VPS37D: variants seen among roughly 807,000 people sequenced by gnomAD.
VPS37D encodes the protein VPS37D subunit of ESCRT-I.
VPS37D carries 5 observed loss-of-function variants against 22.0 expected under a neutral mutation model. The observed-to-expected ratio is 0.23, with a 90% CI of 0.12 to 0.48. VPS37D has a LOEUF of 0.48. Among genes scored for constraint, VPS37D ranks in the 20% least tolerant of loss-of-function variants. VPS37D has a pLI of 0.99. For synonymous variants in VPS37D, 174 were observed against 159.3 expected, an observed-to-expected ratio of 1.09 and a Z score of -0.69; for missense variants, 384 against 345.8, an observed-to-expected ratio of 1.11 and a Z score of -0.88.
Position 73,671,093 on chromosome 7 carries a change from C to A in VPS37D, c.473C>A (p.Ala158Asp). The A allele has an allele frequency of 6.2e-7, 1 of 1,610,718 alleles. No homozygotes were observed. ...LPAFQRGRAL[A>D]HLRRTQAEKL... is the part of the protein sequence containing the mutation. The stretch of plus-strand genomic sequence containing the variant: ...GCCTTCCAGCGTGGCCGCGCCCTGG[C>A]CCACCTGAGGCGGACGCAGGCAGAG... The change falls in exon 4 of 4, where the codon GCC (alanine) becomes GAC (aspartate). Residue 158 changes from alanine (A) to aspartate (D), a missense_variant. By Grantham distance (126) the Ala-to-Asp change is moderately radical. Transcript: ENST00000324941.
In VPS37D at chr7:73,669,455, G is replaced by T; in HGVS notation, c.175G>T (p.Ala59Ser). The T allele has an allele frequency of 6.3e-7, 1 of 1,577,148 alleles. No individual in the cohort carries two copies. The highest frequency in any genetic ancestry group is 1.8e-5 in the Admixed American group (1 of 54,898). The change falls in exon 2 of 4, where the codon GCC (alanine) becomes TCC (serine). Residue 59 changes from alanine (A) to serine (S), a missense_variant. Coordinates refer to ENST00000324941, the MANE Select transcript of VPS37D (RefSeq NM_001077621.2). ...GCAGCTGGAGCGTGAGGCCTGCCTGGCCTCCAACTACGCGCTGGCCAAGGA... is the reference window on the plus strand; with the variant it reads ...GCAGCTGGAGCGTGAGGCCTGCCTGTCCTCCAACTACGCGCTGGCCAAGGA... Reference protein sequence around the residue: ...GLQLEREACLASNYALAKENL... With the variant: ...GLQLEREACLSSNYALAKENL...
rs1554608942 is a variant in VPS37D, at chr7:73,667,881, G to GCGGAGCGGAGCGGAGC, written c.-74_-59dup. The GCGGAGCGGAGCGGAGC allele has an allele frequency of 7.4e-6, 3 of 406,336 alleles. No individual in the cohort carries two copies. The South Asian group carries it at 2.9e-4, about 39-fold the overall frequency. The allele number at this position is 406,336 out of a possible 1,614,324, so 25.2% of individuals were successfully genotyped here. A position where few individuals can be genotyped will look rare whatever the true frequency, so the allele number is the denominator to read the frequency against. ...GAGCGGATCCTGGAGCCGGAGCGGA[G>GCGGAGCGGAGCGGAGC]CGGAGCGGAGCGGAGCCGGGGCGGA... On this transcript the variant is annotated 5_prime_UTR_variant, in exon 1 of 4. Coordinates refer to ENST00000324941, the MANE Select transcript of VPS37D (RefSeq NM_001077621.2).
chr7:73,671,335 C>G lies in VPS37D; in HGVS notation c.715C>G (p.Leu239Val), dbSNP rs1238661873. 9 of 1,382,870 alleles carry G rather than the reference C, an allele frequency of 6.5e-6. No homozygotes were observed. The African/African-American group carries it at 1.4e-4, about 21-fold the overall frequency. The allele number at this position is 1,382,870 out of a possible 1,614,324, so 85.7% of individuals were successfully genotyped here. A position where few individuals can be genotyped will look rare whatever the true frequency, so the allele number is the denominator to read the frequency against. Residue 239 changes from leucine to valine, a missense_variant, in exon 4 of 4, where the codon CTG becomes GTG. Transcript: ENST00000324941. Reference protein sequence around the residue: ...PGCPLGPAPLLSPRPSQPEPP... With the variant: ...PGCPLGPAPLVSPRPSQPEPP... Reference sequence around the variant, plus strand: ...GTGCCCCCTCGGCCCGGCCCCCCTGCTGAGCCCTCGGCCCTCGCAGCCAGA... The same window carrying G: ...GTGCCCCCTCGGCCCGGCCCCCCTGGTGAGCCCTCGGCCCTCGCAGCCAGA...
rs1554609292 is a variant in VPS37D at position 73,669,516 on chromosome 7, G to A, written c.236G>A (p.Arg79Gln). Residue 79 changes from arginine to glutamine, a missense_variant, in exon 2 of 4, where the codon CGG becomes CAG. By Grantham distance (43) the Arg-to-Gln change is conservative. Coordinates refer to ENST00000324941, the MANE Select transcript of VPS37D (RefSeq NM_001077621.2). ...LALRPRLEMG[R>Q]AALAIKYQEL... ...CTGCGGCCCCGCCTGGAGATGGGCCGGGCTGCCCTGGCCATCAAATACCAG... is the reference window on the plus strand; with the variant it reads ...CTGCGGCCCCGCCTGGAGATGGGCCAGGCTGCCCTGGCCATCAAATACCAG... 2 of 1,583,892 alleles carry A rather than the reference G, an allele frequency of 1.3e-6. No homozygotes were observed. Among genetic ancestry groups the A allele is most frequent in the Middle Eastern group, 1.7e-4 (1 of 5,982 alleles).
chr7:73,671,447 T>G lies in VPS37D; in HGVS notation c.*71T>G. ...TGCGTGGCTCCTCCTCCTCCCCCACTGCCTGGGTGGGGGGAGGGGCAGGCC... is the reference window on the plus strand; with the variant it reads ...TGCGTGGCTCCTCCTCCTCCCCCACGGCCTGGGTGGGGGGAGGGGCAGGCC... On this transcript the variant is annotated 3_prime_UTR_variant, in exon 4 of 4. Transcript: ENST00000324941. 19 of 711,486 alleles carry G rather than the reference T, an allele frequency of 2.7e-5. No individual in the cohort carries two copies. Among genetic ancestry groups the G allele is most frequent in the East Asian group, 1.3e-4 (3 of 23,650 alleles). The allele number at this position is 711,486 out of a possible 1,614,324, so 44.1% of individuals were successfully genotyped here.
At chr7:73,665,766 C>T (rs1219188009), upstream of VPS37D, among the ~76,000 whole-genome samples, 2 of 152,188 alleles carry the variant, frequency 1.3e-5, no homozygotes, top group African/African-American at 2.4e-5. Flanking sequence ...CTCTGAAACC[C>T]AGCTCAAATG....
At chr7:73,667,298 T>A (rs1336375996), upstream of VPS37D, among the ~76,000 whole-genome samples, 10 of 151,788 alleles carry the variant, frequency 6.6e-5, no homozygotes, top group African/African-American at 2.4e-4. Flanking sequence ...TGACAATTTT[T>A]AAATTTTTTT....
At chr7:73,669,689 T>TG in intron 2 of VPS37D, 99 bp downstream of exon 2, 2 of 1,154,958 alleles carry the variant, frequency 1.7e-6, no homozygotes, top group Non-Finnish European at 2.2e-6. Flanking sequence ...GGATGGGAGT[T>TG]GGGCGGACCT....
upstream of VPS37D, among the ~76,000 whole-genome samples, chr7:73,667,563 C>T (rs797036366): frequency 2.6e-5 from 4 of 152,316 alleles, no homozygotes; most frequent in African/African-American, 9.6e-5. Context: ...GAGGGGAAAA[C>T]GTGCACGGGC....
At position 73,671,228 on chromosome 7, in the gene VPS37D, C is replaced by A; in HGVS notation, c.608C>A (p.Ala203Asp). ...FPAAAVLPTGAARGPPAVPRS... is the reference protein window; with the variant it reads ...FPAAAVLPTGDARGPPAVPRS... ...GCTGCAGCTGTCCTGCCCACTGGGG[C>A]CGCCCGGGGGCCACCAGCAGTGCCC... is the stretch of plus-strand genomic sequence containing the variant. Residue 203 changes from alanine to aspartate, a missense_variant, in exon 4 of 4, where the codon GCC becomes GAC. Ala to Asp is a moderately radical substitution (Grantham distance 126). Transcript: ENST00000324941. 6.4e-7 allele frequency: 1 copy of A among 1,558,460 alleles called. No individual in the cohort carries two copies. Among genetic ancestry groups the A allele is most frequent in the Non-Finnish European group, 8.7e-7 (1 of 1,153,978 alleles).
chr7:73,670,884 A>T, intron 3 of VPS37D, 130 bp from the exon 4 acceptor site: 1 of 1,330,404 alleles, frequency 7.5e-7, no homozygotes, highest in South Asian at 1.5e-5. Context: ...CCCAGGCTGG[A>T]ACGCAGGTCC....
At position 73,671,316 on chromosome 7, in the gene VPS37D, C is replaced by A; in HGVS notation, c.696C>A (p.Pro232=). ...CACTGAAGGGCTCCCCCGGGTGCCC[C>A]CTCGGCCCGGCCCCCCTGCTGAGCC... ...VPPLKGSPGC[P]LGPAPLLSPR... The change falls in exon 4 of 4, where the codon CCC becomes CCA. Residue 232 remains proline, a synonymous_variant. Transcript: ENST00000324941. 2 of 1,380,524 alleles carry A rather than the reference C, an allele frequency of 1.4e-6. No individual in the cohort carries two copies. Among genetic ancestry groups the A allele is most frequent in the Non-Finnish European group, 1.9e-6 (2 of 1,061,930 alleles). The allele number at this position is 1,380,524 out of a possible 1,614,324, so 85.5% of individuals were successfully genotyped here.
At chr7:73,670,900 C>A (rs1797492691) in intron 3 of VPS37D, 114 bp from the exon 4 acceptor site, 3 of 1,426,504 alleles carry the variant, frequency 2.1e-6, no homozygotes, top group Admixed American at 4.8e-5. Context: ...GGTCCCCTGT[C>A]CCCCAGCTGA....
intron 1 of VPS37D, 111 bp downstream of exon 1, chr7:73,668,207 G>T (rs1227178828): frequency 3.1e-6 from 2 of 646,302 alleles, no homozygotes; most frequent in Non-Finnish European, 3.9e-6. Flanking sequence ...CCGTGGGCGC[G>T]GAGCCTGGCA....
At position 73,668,078 on chromosome 7, in the gene VPS37D, C is replaced by G. The variant is rs781791854; in HGVS notation, c.120C>G (p.Ile40Met). 2 of 1,124,830 alleles carry G rather than the reference C, an allele frequency of 1.8e-6. No homozygotes were observed. The highest frequency in any genetic ancestry group is 9.9e-5 in the Admixed American group (2 of 20,244). 69.7% of individuals were successfully genotyped at this position (1,124,830 alleles called of 1,614,324 possible). The change falls in exon 1 of 4, where the codon ATC (isoleucine) becomes ATG (methionine). Residue 40 changes from isoleucine to methionine, a missense_variant. Transcript: ENST00000324941. ...LLQDEPKLDR[I>M]VRLSRKFQGL... is the part of the protein sequence containing the mutation. ...AGGATGAGCCCAAGCTGGACCGGAT[C>G]GTGCGGCTCAGCAGGAAGGTAGCGC...
At position 73,671,596 on chromosome 7, in the gene VPS37D, A is replaced by G. The variant is rs1037680684; in HGVS notation, c.*220A>G. ...GGGCTTTATGCCTCTGGCGCTGAAG[A>G]CACCCTGCCTTTTTTGTTTCCGTGC... On this transcript the variant is annotated 3_prime_UTR_variant, in exon 4 of 4. Coordinates refer to ENST00000324941, the MANE Select transcript of VPS37D (RefSeq NM_001077621.2). The G allele has an allele frequency of 4.1e-5, 11 of 265,062 alleles. No homozygotes were observed. Among genetic ancestry groups the G allele is most frequent in the Non-Finnish European group, 6.4e-5 (9 of 139,966 alleles). 16.4% of individuals were successfully genotyped at this position (265,062 alleles called of 1,614,324 possible).
intron 3 of VPS37D, 37 bp from the exon 4 acceptor site, chr7:73,670,977 G>C (rs781905705): frequency 6.2e-7 from 1 of 1,600,884 alleles, no homozygotes; most frequent in Non-Finnish European, 8.5e-7. Context: ...GTCTGTGGTC[G>C]TGCCTCTCCC....
At position 73,671,572 on chromosome 7, in the gene VPS37D, G is replaced by A. The variant is rs1554609829; in HGVS notation, c.*196G>A. 3.3e-6 allele frequency: 1 copy of A among 299,008 alleles called. No individual in the cohort carries two copies. The highest frequency in any genetic ancestry group is 2.2e-5 in the African/African-American group (1 of 45,834). 18.5% of individuals were successfully genotyped at this position (299,008 alleles called of 1,614,324 possible). On this transcript the variant is annotated 3_prime_UTR_variant, in exon 4 of 4. Coordinates refer to ENST00000324941, the MANE Select transcript of VPS37D (RefSeq NM_001077621.2). ...GAGGGGGCTGGGGGTGGGTGGGCAG[G>A]GCTTTATGCCTCTGGCGCTGAAGAC...
Position 73,668,045 on chromosome 7 carries a change from C to G in VPS37D, c.87C>G (p.Asp29Glu). The stretch of plus-strand genomic sequence containing the variant: ...TCCTCAGCACCGGGCAGCTCCGGGA[C>G]CTGCTTCAGGATGAGCCCAAGCTGG... ...FGILSTGQLR[D>E]LLQDEPKLDR... The change falls in exon 1 of 4, where the codon GAC (aspartate) becomes GAG (glutamate). Residue 29 changes from aspartate (D) to glutamate (E), a missense_variant. Asp to Glu is a conservative substitution (Grantham distance 45). Transcript: ENST00000324941. 8.5e-7 allele frequency: 1 copy of G among 1,169,688 alleles called. No individual in the cohort carries two copies. The highest frequency in any genetic ancestry group is 1.1e-6 in the Non-Finnish European group (1 of 936,646). The allele number at this position is 1,169,688 out of a possible 1,614,324, so 72.5% of individuals were successfully genotyped here.
Sources: gnomAD v4.1 joint callset for allele counts (sites outside exome capture counted in the v4.1 genomes callset) on GRCh38, gnomAD v4.1.1 for gene constraint, MANE v1.5 for transcripts, NCBI Gene and HGNC (gene_info 2026-07-23, HGNC 2026-07-21) for gene names.